Variants in AEN observed in about 807,000 individuals in gnomAD.
The protein encoded by AEN is apoptosis enhancing nuclease, also known as apoptosis-enhancing nuclease.
In AEN, 21 loss-of-function variants were observed where a neutral mutation model predicts 17.7. The observed-to-expected ratio is 1.19, with a 90% CI of 0.84 to 1.71. The LOEUF is 1.71. Ranked by LOEUF, AEN falls within the 40% of genes most tolerant of loss-of-function variation. The pLI, the probability that AEN is intolerant of heterozygous loss-of-function variation, is 0.00. For missense variants in AEN, 462 were observed against 435.9 expected, an observed-to-expected ratio of 1.06 and a Z score of -0.53; for synonymous variants, 190 against 173.0, an observed-to-expected ratio of 1.10 and a Z score of -0.77.
chr15:88,620,694 C>T (rs769446594), upstream of AEN, among the ~76,000 whole-genome samples: 4 of 152,058 alleles, frequency 2.6e-5, no homozygotes, highest in Non-Finnish European at 5.9e-5. Context: ...AGTCGTGAGC[C>T]ACCGCGCCCC....
At chr15:88,614,090 A>G in the AEN span, among the ~76,000 whole-genome samples, 1 of 152,208 alleles carries the variant, frequency 6.6e-6, no homozygotes, top group East Asian at 1.9e-4. Context: ...TGAAAGAATG[A>G]ATATAGACCA....
the AEN span, among the ~76,000 whole-genome samples, chr15:88,613,603 T>G: frequency 6.7e-6 from 1 of 148,678 alleles, no homozygotes; most frequent in Non-Finnish European, 1.5e-5. Context: ...GGATGTGGGG[T>G]GCATTCCTGA....
intron 1 of AEN, among the ~76,000 whole-genome samples, chr15:88,622,935 T>A (rs16942093): frequency 0.011 from 1,601 of 152,342 alleles, 36 homozygotes; most frequent in African/African-American, 0.036. Flanking sequence ...CTTTCCTCTC[T>A]TGAAATAGGA....
intron 1 of AEN, among the ~76,000 whole-genome samples, chr15:88,623,867 G>A (rs753792207): frequency 1.3e-5 from 2 of 152,158 alleles, no homozygotes; most frequent in African/African-American, 2.4e-5. Flanking sequence ...GAGGAGCAGT[G>A]CCTCCAGCAT....
chr15:88,618,520 T>G (rs1266137201), upstream of AEN, among the ~76,000 whole-genome samples: 1 of 152,222 alleles, frequency 6.6e-6, no homozygotes, highest in African/African-American at 2.4e-5. Flanking sequence ...TCTTTAAACA[T>G]ACAAGTTAAT....
the AEN span, among the ~76,000 whole-genome samples, chr15:88,610,307 A>ATTTTTT: frequency 1.8e-3 from 243 of 136,232 alleles, 2 homozygotes; most frequent in South Asian, 0.02. Flanking sequence ...GCACGGGGCT[A>ATTTTTT]TTTTTTTTTT....
At chr15:88,627,317 C>G (rs1267951998) in intron 2 of AEN, 1 of 156,054 alleles carries the variant, frequency 6.4e-6, no homozygotes, top group Admixed American at 6.2e-5. Context: ...AAAATCATCA[C>G]ACTGTGTAGA....
In AEN at chr15:88,626,223, A is replaced by G. The variant is rs1171275331; in HGVS notation, c.14A>G (p.Glu5Gly). ...GAGCTGACTGGAATGGTACCCCGGG[A>G]GGCCCCTGAGTCTGCTCAGTGCCTG... MVPR[E>G]APESAQCLCP... Residue 5 changes from glutamate to glycine, a missense_variant, in exon 2 of 4, where the codon GAG becomes GGG. Physicochemically the swap from Glu to Gly is moderately conservative, Grantham distance 98 (BLOSUM62 -2). Transcript: ENST00000332810. The G allele has an allele frequency of 6.3e-7, 1 of 1,588,576 alleles. No individual in the cohort carries two copies. Among genetic ancestry groups the G allele is most frequent in the Admixed American group, 1.7e-5 (1 of 57,254 alleles).
Position 88,629,388 on chromosome 15 carries a change from A to C in AEN, c.703A>C (p.Lys235Gln), listed in dbSNP as rs138301928. The C allele has an allele frequency of 1.9e-6, 3 of 1,613,854 alleles. No individual in the cohort carries two copies. The highest frequency in any genetic ancestry group is 2.5e-6 in the Non-Finnish European group (3 of 1,179,968). ...GLHTRARVSL[K>Q]DLALQLLHKK... ...CCACACCCGGGCCCGGGTCTCTCTAAAGGACCTGGCCCTGCAGCTGCTGCA... is the reference window on the plus strand; with the variant it reads ...CCACACCCGGGCCCGGGTCTCTCTACAGGACCTGGCCCTGCAGCTGCTGCA... Residue 235 changes from lysine to glutamine, a missense_variant, in exon 3 of 4, where the codon AAG becomes CAG. Lys to Gln is a moderately conservative substitution (Grantham distance 53). Transcript: ENST00000332810.
chr15:88,605,578 C>A, the AEN span, among the ~76,000 whole-genome samples: 1 of 152,232 alleles, frequency 6.6e-6, no homozygotes, highest in South Asian at 2.1e-4. The surrounding 1 kb of genome is among the most constrained non-coding windows in gnomAD (Gnocchi z 7.6). Context: ...TTCCTACCCA[C>A]CGCAATTGCA....
At chr15:88,609,647 G>T in the AEN span, among the ~76,000 whole-genome samples, 1 of 152,104 alleles carries the variant, frequency 6.6e-6, no homozygotes, top group Non-Finnish European at 1.5e-5. Flanking sequence ...TGGGCTCAAG[G>T]GCAGGTCATT....
chr15:88,607,249 C>T, the AEN span, among the ~76,000 whole-genome samples: 1 of 152,190 alleles, frequency 6.6e-6, no homozygotes, highest in Non-Finnish European at 1.5e-5. Flanking sequence ...CTTCTTCCTC[C>T]CCAGCATCGC....
At chr15:88,609,055 T>C in the AEN span, among the ~76,000 whole-genome samples, 1 of 152,204 alleles carries the variant, frequency 6.6e-6, no homozygotes, top group Non-Finnish European at 1.5e-5. Flanking sequence ...GAAGTCTTAA[T>C]GTGAGTACAG....
At chr15:88,605,926 CG>C in the AEN span, among the ~76,000 whole-genome samples, 75 of 152,360 alleles carry the variant, frequency 4.9e-4, no homozygotes, top group Admixed American at 1.5e-3. The surrounding 1 kb of genome is among the most constrained non-coding windows in gnomAD (Gnocchi z 7.6). Flanking sequence ...AGACCCCACG[CG>C]GAGGAGGTCA....
In AEN at chr15:88,630,146, AG is replaced by A; in HGVS notation, c.832del (p.Ala278ProfsTer93). The A allele has an allele frequency of 6.8e-6, 11 of 1,613,806 alleles. No individual in the cohort carries two copies. Among genetic ancestry groups the A allele is most frequent in the Non-Finnish European group, 8.5e-6 (10 of 1,179,990 alleles). On this transcript the variant is annotated frameshift_variant, in exon 4 of 4. Coordinates refer to ENST00000332810, the MANE Select transcript of AEN (RefSeq NM_022767.4). LOFTEE classifies it low-confidence loss of function (END_TRUNC). This position sits in a 1 kb window ranked among gnomAD's most constrained non-coding sequence, Gnocchi z 5.1. The stretch of plus-strand genomic sequence containing the variant: ...GTGGAGGTGCAGTGGGAACAGCAGG[AG>A]GCCCGCAGCCTCTGGACCTGCCCCG... ...RLVEVQWEQQ[E>X]ARSLWTCPED...
the AEN span, chr15:88,611,782 G>C: frequency 2.3e-6 from 1 of 442,826 alleles, no homozygotes; most frequent in South Asian, 1.7e-5. Flanking sequence ...TGACCTGGTG[G>C]CGAGGGGAGG....
Position 88,630,534 on chromosome 15 carries a change from C to G in AEN, c.*240C>G, listed in dbSNP as rs920456347. 3 of 532,812 alleles carry G rather than the reference C, an allele frequency of 5.6e-6. No individual in the cohort carries two copies. In the East Asian group the frequency reaches 9.6e-5, roughly 17 times the overall value. 33.0% of individuals were successfully genotyped at this position (532,812 alleles called of 1,614,324 possible). A position where few individuals can be genotyped will look rare whatever the true frequency, so the allele number is the denominator to read the frequency against. On this transcript the variant is annotated 3_prime_UTR_variant, in exon 4 of 4. Coordinates refer to ENST00000332810, the MANE Select transcript of AEN (RefSeq NM_022767.4). This position sits in a 1 kb window ranked among gnomAD's most constrained non-coding sequence, Gnocchi z 5.1. Reference sequence around the variant, plus strand: ...CTGTGGTTTTGCTAATGGCACTTTACAGACTCCATGGAGATGTCAGGTGGA... The same window carrying G: ...CTGTGGTTTTGCTAATGGCACTTTAGAGACTCCATGGAGATGTCAGGTGGA...
chr15:88,621,580 C>T (rs2141366180), intron 1 of AEN, 198 bp downstream of exon 1: 1 of 152,450 alleles, frequency 6.6e-6, no homozygotes, highest in East Asian at 1.9e-4. Context: ...CTCGGGGGTC[C>T]AGGGCCAGAG....
At chr15:88,611,897 A>G in the AEN span, 3 of 517,194 alleles carry the variant, frequency 5.8e-6, no homozygotes, top group Non-Finnish European at 1.2e-5. Context: ...TGCGCTCAAC[A>G]ACAAATCCCA....
Sources: allele counts gnomAD v4.1 joint callset (sites outside exome capture counted in the v4.1 genomes callset), GRCh38; gene constraint gnomAD v4.1.1; non-coding constraint Gnocchi (gnomAD v3.1); transcripts MANE v1.5; gene names NCBI Gene and HGNC (gene_info 2026-07-23, HGNC 2026-07-21).